The following INSL6 variants were observed in gnomAD, a reference collection of about 807,000 sequenced individuals.
The protein encoded by INSL6 is insulin-like peptide INSL6.
Under a neutral mutation model 9.4 loss-of-function variants are expected in INSL6, and 16 were observed. That is an observed-to-expected ratio of 1.70 (90% confidence interval 1.15 to 2.59). INSL6 has a LOEUF of 2.59. Ranked by LOEUF, INSL6 falls within the 30% of genes most tolerant of loss-of-function variation. INSL6 has a pLI of 0.00. For synonymous variants in INSL6, 154 were observed against 96.9 expected (o/e 1.59, Z -3.46); for missense variants, 391 against 257.3 (o/e 1.52, Z -3.56).
chr9:5,050,707 G>A, the INSL6 span: 4 of 1,613,354 alleles, frequency 2.5e-6, no homozygotes, highest in East Asian at 2.2e-5. Flanking sequence ...TTTTGTGCAC[G>A]GATGGATAAA....
chr9:5,183,787 G>A (rs1825508882), intron 1 of INSL6, among the ~76,000 whole-genome samples: 1 of 152,094 alleles, frequency 6.6e-6, no homozygotes, highest in Non-Finnish European at 1.5e-5. Context: ...AAAAAAAAGA[G>A]AGAGACAGAC....
At chr9:5,122,512 T>C (rs913700318), downstream of INSL6, among the ~76,000 whole-genome samples, 10 of 152,134 alleles carry the variant, frequency 6.6e-5, no homozygotes, top group African/African-American at 2.2e-4. Context: ...CAGTTAACCT[T>C]GGTGCTGTCT....
chr9:5,037,995 C>G, the INSL6 span, among the ~76,000 whole-genome samples: 1 of 152,166 alleles, frequency 6.6e-6, no homozygotes. Flanking sequence ...TATAGCGTCA[C>G]TAGTTATGAG....
Position 5,138,700 on chromosome 9 carries a change from G to A in INSL6, c.377-5108C>T, listed in dbSNP as rs572198566. On this transcript the variant is annotated intron_variant, in intron 2 of 3. Transcript: ENST00000649639. ...CCTATGTTAACAAACCTGCACTTTC[G>A]GTACATGTACCCCAGAACTTAAACT... Among the ~76,000 whole-genome samples, 14 of 147,814 alleles carry A rather than the reference G, an allele frequency of 9.5e-5. No homozygotes were observed. In the South Asian group the frequency reaches 2.3e-3, roughly 24 times the overall value.
At chr9:5,097,431 G>A in the INSL6 span, 5 of 152,134 alleles carry the variant, frequency 3.3e-5, no homozygotes, top group South Asian at 2.1e-4. Context: ...ATGTCGTGAC[G>A]TATTACTCTG....
downstream of INSL6, among the ~76,000 whole-genome samples, chr9:5,162,292 C>T (rs1177714761): frequency 6.6e-6 from 1 of 151,918 alleles, no homozygotes; most frequent in Non-Finnish European, 1.5e-5. Flanking sequence ...AAATGTACCA[C>T]ATCATTAGTG....
the INSL6 span, among the ~76,000 whole-genome samples, chr9:5,106,386 G>A: frequency 0.026 from 3,908 of 152,290 alleles, 181 homozygotes; most frequent in African/African-American, 0.09. Flanking sequence ...TCATTAAAAA[G>A]ACAGGAAACA....
At chr9:5,151,694 T>C (rs1824716086) in intron 2 of INSL6, among the ~76,000 whole-genome samples, 1 of 151,924 alleles carries the variant, frequency 6.6e-6, no homozygotes, top group Non-Finnish European at 1.5e-5. Context: ...AATGTAATTA[T>C]AAAAAAATTC....
At chr9:5,157,123 A>G (rs1824831184) in intron 2 of INSL6, among the ~76,000 whole-genome samples, 1 of 152,320 alleles carries the variant, frequency 6.6e-6, no homozygotes, top group East Asian at 1.9e-4. Flanking sequence ...AAGACCTGCA[A>G]AAATGGAAAA....
At chr9:5,036,989 A>C in the INSL6 span, among the ~76,000 whole-genome samples, 7 of 152,294 alleles carry the variant, frequency 4.6e-5, no homozygotes, top group Non-Finnish European at 7.4e-5. Flanking sequence ...TATCCAGAAT[A>C]TACAATGAAC....
At chr9:5,093,023 C>A in the INSL6 span, among the ~76,000 whole-genome samples, 1 of 152,152 alleles carries the variant, frequency 6.6e-6, no homozygotes, top group Non-Finnish European at 1.5e-5. Flanking sequence ...ATCTTAAATT[C>A]TAATCACTCT....
At chr9:5,180,797 A>T (rs1311017048) in intron 1 of INSL6, among the ~76,000 whole-genome samples, 1 of 152,010 alleles carries the variant, frequency 6.6e-6, no homozygotes, top group Non-Finnish European at 1.5e-5. Flanking sequence ...TCTTTATTGG[A>T]CCCTTATCAG....
At chr9:5,182,561 A>G (rs928837884) in intron 1 of INSL6, among the ~76,000 whole-genome samples, 1 of 152,158 alleles carries the variant, frequency 6.6e-6, no homozygotes, top group Non-Finnish European at 1.5e-5. Flanking sequence ...TGCCTAACAC[A>G]TGATAGGTAC....
chr9:5,164,716 T>A (rs1244697381), intron 1 of INSL6, among the ~76,000 whole-genome samples: 3 of 152,244 alleles, frequency 2.0e-5, no homozygotes, highest in Non-Finnish European at 2.9e-5. Flanking sequence ...GTATATTTCA[T>A]ATAAATGAAA....
chr9:4,995,741 A>C, the INSL6 span, among the ~76,000 whole-genome samples: 3,460 of 152,352 alleles, frequency 0.023, 74 homozygotes, highest in Non-Finnish European at 0.038. Context: ...GCATTTAGGA[A>C]TAGAAGCAGA....
At chr9:5,086,062 AG>A in the INSL6 span, 1 of 700,176 alleles carries the variant, frequency 1.4e-6, no homozygotes, top group South Asian at 1.4e-5. Flanking sequence ...AGATTAAAAT[AG>A]GGTATCTGAG....
intron 2 of INSL6, among the ~76,000 whole-genome samples, chr9:5,139,647 G>C (rs1298178617): frequency 3.3e-5 from 5 of 152,162 alleles, no homozygotes; most frequent in Non-Finnish European, 7.4e-5. Flanking sequence ...AAGAGAATCA[G>C]AGATTTAGTT....
chr9:5,034,066 A>G, the INSL6 span, among the ~76,000 whole-genome samples: 1 of 152,130 alleles, frequency 6.6e-6, no homozygotes, highest in Non-Finnish European at 1.5e-5. Context: ...CAAACGGAAA[A>G]CAAAAAAAGG....
chr9:5,021,085 G>A, the INSL6 span, among the ~76,000 whole-genome samples: 1 of 152,100 alleles, frequency 6.6e-6, no homozygotes, highest in African/African-American at 2.4e-5. Flanking sequence ...GAAAATGTGG[G>A]CCACTGGGAG....
Sources: allele counts gnomAD v4.1 joint callset (sites outside exome capture counted in the v4.1 genomes callset), GRCh38; gene constraint gnomAD v4.1.1; transcripts MANE v1.5; gene names NCBI Gene and HGNC (gene_info 2026-07-23, HGNC 2026-07-21).